The following PMFBP1 variants were observed in gnomAD, a reference collection of about 807,000 sequenced individuals.
PMFBP1 encodes polyamine modulated factor 1 binding protein 1, also known as polyamine-modulated factor 1-binding protein 1.
Under a neutral mutation model 137.8 loss-of-function variants are expected in PMFBP1, and 131 were observed. The observed-to-expected ratio is 0.95, with a 90% CI of 0.82 to 1.10. The LOEUF is 1.10. Ranked by LOEUF, PMFBP1 falls within the 50% of genes least tolerant of loss-of-function variation. The pLI is 0.00. For missense variants in PMFBP1, 1,199 were observed against 1,175.4 expected, an observed-to-expected ratio of 1.02 and a Z score of -0.29; for synonymous variants, 490 against 450.4, an observed-to-expected ratio of 1.09 and a Z score of -1.11.
rs566771689 is a variant in PMFBP1, at chr16:72,168,208, C to T, written c.12+2989G>A. On this transcript the variant is annotated intron_variant, in intron 2 of 20. Transcript: ENST00000237353. ...TGAAATTTACTTTTGAAAAGAAAAC[C>T]ATTCACTCCTGAAGACCAAATTATA... Among the ~76,000 whole-genome samples, 450 of 152,208 alleles carry T rather than the reference C, an allele frequency of 3.0e-3. 4 individuals carry two copies. Among genetic ancestry groups the T allele is most frequent in the African/African-American group, 0.01 (429 of 41,534 alleles).
the PMFBP1 span, among the ~76,000 whole-genome samples, chr16:72,245,735 T>C: frequency 6.6e-6 from 1 of 152,166 alleles, no homozygotes; most frequent in African/African-American, 2.4e-5. Flanking sequence ...TACGGTGCCC[T>C]TCCCAAGTCA....
At chr16:72,185,246 A>T in the PMFBP1 span, among the ~76,000 whole-genome samples, 1 of 150,790 alleles carries the variant, frequency 6.6e-6, no homozygotes, top group South Asian at 2.1e-4. Flanking sequence ...CTGGTTTTGA[A>T]CTCCTGACTT....
the PMFBP1 span, among the ~76,000 whole-genome samples, chr16:72,190,096 C>A: frequency 6.6e-6 from 1 of 152,184 alleles, no homozygotes; most frequent in Non-Finnish European, 1.5e-5. Flanking sequence ...AGTCACAAAT[C>A]TTGTGACCTT....
chr16:72,184,435 T>A, the PMFBP1 span, among the ~76,000 whole-genome samples: 2 of 152,246 alleles, frequency 1.3e-5, no homozygotes, highest in Non-Finnish European at 2.9e-5. Flanking sequence ...TGATATCACC[T>A]TTTTAAGGTA....
chr16:72,204,009 C>T, the PMFBP1 span, among the ~76,000 whole-genome samples: 120 of 152,276 alleles, frequency 7.9e-4, no homozygotes, highest in East Asian at 3.9e-4. Context: ...CTCTGTGCCA[C>T]GCTCATGTCC....
At chr16:72,197,294 T>G in the PMFBP1 span, among the ~76,000 whole-genome samples, 1 of 152,220 alleles carries the variant, frequency 6.6e-6, no homozygotes, top group Admixed American at 6.5e-5. Context: ...TATTAACATA[T>G]TTAATGTGCT....
chr16:72,180,395 A>C (rs2144547057), upstream of PMFBP1, among the ~76,000 whole-genome samples: 1 of 152,166 alleles, frequency 6.6e-6, no homozygotes, highest in African/African-American at 2.4e-5. Context: ...CTTCAGTTTC[A>C]TACACTCTAA....
chr16:72,154,182 G>C, intron 4 of PMFBP1, 29 bp downstream of exon 4: 1 of 1,606,870 alleles, frequency 6.2e-7, no homozygotes, highest in Non-Finnish European at 8.5e-7. Context: ...TAAGAATGTG[G>C]GTTATTTCCA....
chr16:72,124,698 C>T, intron 17 of PMFBP1, 69 bp downstream of exon 17: 3 of 1,547,650 alleles, frequency 1.9e-6, no homozygotes, highest in Non-Finnish European at 8.8e-7. Flanking sequence ...GGCTGTCTGG[C>T]ATTTGGGTGG....
intron 19 of PMFBP1, 165 bp from the exon 20 acceptor site, chr16:72,120,254 T>C: frequency 8.3e-7 from 1 of 1,201,288 alleles, no homozygotes; most frequent in Non-Finnish European, 1.2e-6. Flanking sequence ...AGCCTACGTG[T>C]GTCCTGTGAA....
At chr16:72,152,553 A>C (rs2042916488) in intron 4 of PMFBP1, among the ~76,000 whole-genome samples, 1 of 152,046 alleles carries the variant, frequency 6.6e-6, no homozygotes. Context: ...ATTATTTGGA[A>C]CAAGGATGTG....
chr16:72,184,966 T>G, the PMFBP1 span, among the ~76,000 whole-genome samples: 4 of 152,112 alleles, frequency 2.6e-5, no homozygotes, highest in Non-Finnish European at 5.9e-5. Flanking sequence ...TATCCATTGC[T>G]CTCAAGGTAA....
the PMFBP1 span, among the ~76,000 whole-genome samples, chr16:72,198,604 A>C: frequency 5.9e-5 from 9 of 152,100 alleles, no homozygotes; most frequent in African/African-American, 2.2e-4. Context: ...TAGTAATACC[A>C]ATTAAAAAAT....
At chr16:72,157,261 G>A (rs575536366) in intron 3 of PMFBP1, among the ~76,000 whole-genome samples, 4 of 150,324 alleles carry the variant, frequency 2.7e-5, no homozygotes, top group East Asian at 3.9e-4. Flanking sequence ...TGGGGAGAGC[G>A]AAAACTAAGC....
At chr16:72,180,496 C>T (rs550985437), upstream of PMFBP1, among the ~76,000 whole-genome samples, 6 of 152,292 alleles carry the variant, frequency 3.9e-5, no homozygotes, top group Admixed American at 3.9e-4. Context: ...GAAGCCGCAG[C>T]AATGTGTTTC....
chr16:72,211,099 G>A, the PMFBP1 span, among the ~76,000 whole-genome samples: 3 of 152,294 alleles, frequency 2.0e-5, no homozygotes, highest in African/African-American at 7.2e-5. Flanking sequence ...GCACTTAAGG[G>A]TGTGCTAGGT....
At chr16:72,225,478 C>T in the PMFBP1 span, among the ~76,000 whole-genome samples, 1 of 151,824 alleles carries the variant, frequency 6.6e-6, no homozygotes, top group Non-Finnish European at 1.5e-5. Context: ...TCACTTGAGC[C>T]CAGAAATTCA....
intron 4 of PMFBP1, among the ~76,000 whole-genome samples, chr16:72,153,867 TAC>T (rs1386020152): frequency 6.7e-6 from 1 of 148,614 alleles, no homozygotes; most frequent in Non-Finnish European, 1.5e-5. Context: ...CTCAGAGACC[TAC>T]AGTCTTTTGC....
chr16:72,140,730 A>G, intron 5 of PMFBP1, 148 bp from the exon 6 acceptor site: 2 of 690,882 alleles, frequency 2.9e-6, no homozygotes, highest in South Asian at 4.2e-5. Flanking sequence ...AACAAAAAAT[A>G]TTAACTAGTG....
Sources: allele counts gnomAD v4.1 joint callset (sites outside exome capture counted in the v4.1 genomes callset), GRCh38; gene constraint gnomAD v4.1.1; transcripts MANE v1.5; gene names NCBI Gene and HGNC (gene_info 2026-07-23, HGNC 2026-07-21).